TYK2: variants seen among roughly 807,000 people sequenced by gnomAD.
The protein encoded by TYK2 is non-receptor tyrosine-protein kinase TYK2.
In TYK2, 65 loss-of-function variants were observed where a neutral mutation model predicts 130.9. The ratio of observed to expected loss-of-function variants is 0.50; its 90% CI spans 0.41 to 0.61. The LOEUF (loss-of-function observed/expected upper bound fraction) is 0.61. Ranked by LOEUF, TYK2 falls within the 20% of genes least tolerant of loss-of-function variation. TYK2 has a pLI of 0.00. For missense variants in TYK2, 1,378 were observed against 1,610.7 expected, an observed-to-expected ratio of 0.86 and a Z score of 2.47; for synonymous variants, 647 against 658.9, an observed-to-expected ratio of 0.98 and a Z score of 0.28.
intron 2 of TYK2, 46 bp downstream of exon 2, chr19:10,379,569 C>A (rs970238373): frequency 1.3e-5 from 2 of 151,600 alleles, no homozygotes; most frequent in African/African-American, 4.8e-5. Context: ...CTGCTCTTAA[C>A]ACACCTCCCC....
At chr19:10,377,837 CGTGGGTGGATGGATGG>C (rs2042215187) in intron 3 of TYK2, among the ~76,000 whole-genome samples, 1 of 22,964 alleles carries the variant, frequency 4.4e-5, no homozygotes, top group East Asian at 1.4e-3. Flanking sequence ...TGGATGGATG[CGTGGGTGGATGGATGG>C]GTGGGTGGGT....
chr19:10,357,494 G>A (rs1312704505), intron 17 of TYK2: 1 of 705,576 alleles, frequency 1.4e-6, no homozygotes, highest in East Asian at 2.7e-5. Context: ...TGCAGCCTGG[G>A]CGTCTCCCAT....
At chr19:10,377,640 A>G (rs1035397767) in intron 3 of TYK2, among the ~76,000 whole-genome samples, 5 of 14,728 alleles carry the variant, frequency 3.4e-4, no homozygotes, top group African/African-American at 1.0e-3. Flanking sequence ...GGGTGGATGG[A>G]TGGGTGGATG....
intron 3 of TYK2, among the ~76,000 whole-genome samples, chr19:10,375,274 G>C (rs1324419094): frequency 6.6e-6 from 1 of 152,194 alleles, no homozygotes; most frequent in East Asian, 1.9e-4. Flanking sequence ...AATGGGGGAG[G>C]TAAGAGGAGT....
At chr19:10,372,557 A>T (rs889003877) in intron 3 of TYK2, among the ~76,000 whole-genome samples, 8 of 131,774 alleles carry the variant, frequency 6.1e-5, no homozygotes, top group African/African-American at 2.3e-4. Flanking sequence ...TGGCATGATC[A>T]CTGTAGCTTC....
chr19:10,359,273 C>T lies in TYK2; in HGVS notation c.2077G>A (p.Gly693Arg), dbSNP rs754899482. The stretch of plus-strand genomic sequence containing the variant: ...CTCCGCAGCCACACATCCAGGGGTC[C>T]GTGCTCCACGTACTCTGTCACCATG... Reference protein sequence around the residue: ...NIMVTEYVEHGPLDVWLRRER... With the variant: ...NIMVTEYVEHRPLDVWLRRER... Residue 693 changes from glycine to arginine, a missense_variant, in exon 15 of 25, where the codon GGA becomes AGA. Coordinates refer to ENST00000525621, the MANE Select transcript of TYK2 (RefSeq NM_003331.5). The T allele has an allele frequency of 8.7e-6, 14 of 1,611,788 alleles. No homozygotes were observed. The highest frequency in any genetic ancestry group is 1.7e-5 in the Admixed American group (1 of 59,958).
chr19:10,370,462 C>T (rs1213112689), intron 3 of TYK2, among the ~76,000 whole-genome samples: 2 of 150,742 alleles, frequency 1.3e-5, no homozygotes, highest in Non-Finnish European at 2.9e-5. Flanking sequence ...TGCAGTGAGC[C>T]GAGATTGTGC....
intron 3 of TYK2, among the ~76,000 whole-genome samples, chr19:10,372,242 C>G (rs1187988956): frequency 1.3e-5 from 2 of 150,158 alleles, no homozygotes; most frequent in Non-Finnish European, 3.0e-5. Context: ...ATTCGCCCAC[C>G]TCAGCCTCCC....
chr19:10,353,464 C>T lies in TYK2; in HGVS notation c.3027+64G>A, dbSNP rs545844060. ...CGTGAGAGCAGACTGCACCGGATCG[C>T]TCAGGCCAGCCCAAGCTGAAGAGGA... On this transcript the variant is annotated intron_variant, in intron 21 of 24. Transcript: ENST00000525621. This position sits in a 1 kb window ranked among gnomAD's most constrained non-coding sequence, Gnocchi z 6.9. 6.4e-6 allele frequency: 8 copies of T among 1,256,164 alleles called. No homozygotes were observed. Among genetic ancestry groups the T allele is most frequent in the Admixed American group, 5.7e-5 (2 of 34,900 alleles). The allele number at this position is 1,256,164 out of a possible 1,614,324, so 77.8% of individuals were successfully genotyped here.
In TYK2 at chr19:10,362,246, G is replaced by C. The variant is rs764952630; in HGVS notation, c.1669+18C>G. 5 of 1,613,438 alleles carry C rather than the reference G, an allele frequency of 3.1e-6. No homozygotes were observed. In the Admixed American group the frequency reaches 8.3e-5, roughly 27 times the overall value. ...GAGAGATGCCACATCCCACCCAGAG[G>C]TCCCCCTATCATCGTACCTCCTGGT... is the stretch of plus-strand genomic sequence containing the variant. On this transcript the variant is annotated intron_variant, in intron 11 of 24. Coordinates refer to ENST00000525621, the MANE Select transcript of TYK2 (RefSeq NM_003331.5).
In TYK2 at chr19:10,364,600, CA is replaced by C; in HGVS notation, c.1367+13del. On this transcript the variant is annotated intron_variant, in intron 9 of 24. Transcript: ENST00000525621. The surrounding 1 kb of genome is among the most constrained non-coding windows in gnomAD (Gnocchi z 4.9). ...CTTGGCGGTGGCCCCCAGCGCCCCC[CA>C]CCCAGCACTCACAGCAGGGGTCCGT... 5 of 1,613,564 alleles carry C rather than the reference CA, an allele frequency of 3.1e-6. No homozygotes were observed. The highest frequency in any genetic ancestry group is 4.2e-6 in the Non-Finnish European group (5 of 1,179,944).
intron 6 of TYK2, 67 bp from the exon 7 acceptor site, chr19:10,365,965 G>A: frequency 6.7e-7 from 1 of 1,498,682 alleles, no homozygotes; most frequent in Non-Finnish European, 9.0e-7. Context: ...GTGACACAGG[G>A]CAAGTGGCTT....
Position 10,366,521 on chromosome 19 carries a change from C to G in TYK2, c.525G>C (p.Glu175Asp), listed in dbSNP as rs780262705. The G allele has an allele frequency of 3.5e-5, 56 of 1,613,892 alleles. No individual in the cohort carries two copies. The highest frequency in any genetic ancestry group is 4.3e-5 in the Non-Finnish European group (51 of 1,179,996). The stretch of plus-strand genomic sequence containing the variant: ...GGCTCTCATTCTTAAAGTGGTGGAT[C>G]TCCTCCTCGGTCGACAGCTCCCACA... The part of the protein sequence containing the change: ...ASLWELSTEE[E>D]IHHFKNESLG... The change falls in exon 6 of 25, where the codon GAG (glutamate) becomes GAC (aspartate). Residue 175 changes from glutamate to aspartate, a missense_variant. Physicochemically the swap from Glu to Asp is conservative, Grantham distance 45. Transcript: ENST00000525621.
At chr19:10,366,334 A>C in intron 6 of TYK2, 83 bp downstream of exon 6, 1 of 1,423,202 alleles carries the variant, frequency 7.0e-7, no homozygotes, top group Non-Finnish European at 9.6e-7. Context: ...GAGGCACGGC[A>C]ATATGCAAAG....
At chr19:10,363,914 G>C (rs879263888) in intron 9 of TYK2, among the ~76,000 whole-genome samples, 36 of 152,216 alleles carry the variant, frequency 2.4e-4, no homozygotes, top group Admixed American at 2.3e-3. Context: ...TAGGACAAGG[G>C]ACAGAGAGTC....
rs751448203 is a variant in TYK2 at position 10,362,337 on chromosome 19, G to T, written c.1596C>A (p.Ala532=). ...SFPSVRELGA[A]LQGCLLRAGD... is the part of the protein sequence containing the mutation. ...CGGCCCTCAGCAAGCAGCCCTGCAA[G>T]GCAGCCCCAAGTTCCCGAACGCTGG... Residue 532 remains alanine (A), a synonymous_variant, in exon 11 of 25, where the codon GCC becomes GCA. Coordinates refer to ENST00000525621, the MANE Select transcript of TYK2 (RefSeq NM_003331.5). 1 of 1,614,046 alleles carries T rather than the reference G, an allele frequency of 6.2e-7. No homozygotes were observed. Among genetic ancestry groups the T allele is most frequent in the East Asian group, 2.2e-5 (1 of 44,896 alleles).
At chr19:10,358,625 T>C (rs1447577468) in intron 15 of TYK2, among the ~76,000 whole-genome samples, 2 of 152,128 alleles carry the variant, frequency 1.3e-5, no homozygotes, top group East Asian at 3.9e-4. Context: ...GCTAATTTTT[T>C]TTGTATTTTT....
intron 2 of TYK2, among the ~76,000 whole-genome samples, chr19:10,378,839 T>C (rs939679487): frequency 1.2e-4 from 2 of 16,754 alleles, no homozygotes; most frequent in Non-Finnish European, 3.0e-4. Flanking sequence ...TTTTATATCT[T>C]ATCTTATCTT....
intron 18 of TYK2, 26 bp downstream of exon 18, chr19:10,356,542 G>A: frequency 6.2e-7 from 1 of 1,611,604 alleles, no homozygotes. Flanking sequence ...ACTTCCCCAG[G>A]GTCCCAGCAC....
Sources: gnomAD v4.1 joint callset for allele counts (sites outside exome capture counted in the v4.1 genomes callset) on GRCh38, gnomAD v4.1.1 for gene constraint, Gnocchi (gnomAD v3.1) non-coding constraint, MANE v1.5 for transcripts, NCBI Gene and HGNC (gene_info 2026-07-23, HGNC 2026-07-21) for gene names.